SETD3: variants seen among roughly 807,000 people sequenced by gnomAD.
The protein encoded by SETD3 is actin-histidine N-methyltransferase.
A neutral mutation model predicts 63.0 loss-of-function variants in SETD3; 19 were observed. That is an observed-to-expected ratio of 0.30 (90% CI 0.21 to 0.44). The LOEUF (loss-of-function observed/expected upper bound fraction) is 0.44. Ranked by LOEUF, SETD3 falls within the 20% of genes least tolerant of loss-of-function variation. SETD3 has a pLI of 1.00. For synonymous variants in SETD3, 286 were observed against 264.1 expected, an observed-to-expected ratio of 1.08 and a Z score of -0.80; for missense variants, 587 against 728.5, an observed-to-expected ratio of 0.81 and a Z score of 2.24.
rs1162747461 is a variant in SETD3 at position 99,400,200 on chromosome 14, T to C, written c.1237A>G (p.Asn413Asp). 1 of 1,614,162 alleles carries C rather than the reference T, an allele frequency of 6.2e-7. No homozygotes were observed. Among genetic ancestry groups the C allele is most frequent in the Non-Finnish European group, 8.5e-7 (1 of 1,180,018 alleles). The change falls in exon 12 of 13, where the codon AAC (asparagine) becomes GAC (aspartate). Residue 413 changes from asparagine to aspartate, a missense_variant. Transcript: ENST00000331768. ...TCCCAGCTAACAGGAAATTCCGAGT[T>C]CCCCAAGGTGAAGATTCTATCAATA... is the stretch of plus-strand genomic sequence containing the variant. The part of the protein sequence containing the change: ...SAIDRIFTLG[N>D]SEFPVSWDNE...
intron 6 of SETD3, among the ~76,000 whole-genome samples, chr14:99,432,449 C>T (rs1314726077): frequency 6.6e-6 from 1 of 152,148 alleles, no homozygotes; most frequent in East Asian, 1.9e-4. Flanking sequence ...TCTGCAAATG[C>T]CAAGCCATTT....
intron 4 of SETD3, 147 bp downstream of exon 4, chr14:99,461,045 C>T: frequency 2.2e-6 from 2 of 925,616 alleles, no homozygotes; most frequent in South Asian, 3.4e-5. Context: ...AGAACATGAG[C>T]CCAAGGCCCT....
chr14:99,410,080 T>C, intron 8 of SETD3: 1 of 790,936 alleles, frequency 1.3e-6, no homozygotes, highest in Non-Finnish European at 2.2e-6. Context: ...GCGGATGAGC[T>C]GGAGGCGTAG....
intron 6 of SETD3, among the ~76,000 whole-genome samples, chr14:99,452,829 G>C (rs769371000): frequency 6.6e-6 from 1 of 152,202 alleles, no homozygotes; most frequent in Non-Finnish European, 1.5e-5. Flanking sequence ...GTAGACCTCC[G>C]AGCCAGCAGG....
At chr14:99,484,518 C>A (rs926518232), upstream of SETD3, among the ~76,000 whole-genome samples, 5 of 152,202 alleles carry the variant, frequency 3.3e-5, no homozygotes, top group African/African-American at 1.2e-4. Flanking sequence ...GTTTGAAAGA[C>A]AATCAATAGA....
chr14:99,465,680 G>T, intron 2 of SETD3, 23 bp downstream of exon 2: 1 of 1,584,744 alleles, frequency 6.3e-7, no homozygotes, highest in Non-Finnish European at 8.7e-7. Flanking sequence ...ATCAAGGCAG[G>T]GAGAGCCCAG....
chr14:99,407,770 A>G (rs1891764140), intron 8 of SETD3, among the ~76,000 whole-genome samples: 1 of 151,986 alleles, frequency 6.6e-6, no homozygotes. Flanking sequence ...TATGCGCTCC[A>G]GCCCAAGTCA....
At position 99,463,548 on chromosome 14, in the gene SETD3, T is replaced by C. The variant is rs529858722; in HGVS notation, c.134A>G (p.Lys45Arg). 5.8e-5 allele frequency: 94 copies of C among 1,614,148 alleles called. No individual in the cohort carries two copies. In the East Asian group the frequency reaches 1.8e-3, roughly 30 times the overall value. ...GATCTGCACATACTCTTCCCACTCT[T>C]TTCCTGGGCCAGGCGCCGGACTGCT... Reference protein sequence around the residue: ...KCSSPAPGPGKEWEEYVQIRT... With the variant: ...KCSSPAPGPGREWEEYVQIRT... The change falls in exon 3 of 13, where the codon AAA becomes AGA. Residue 45 changes from lysine to arginine, a missense_variant. Physicochemically the swap from Lys to Arg is conservative, Grantham distance 26. Coordinates refer to ENST00000331768, the MANE Select transcript of SETD3 (RefSeq NM_032233.3).
chr14:99,458,742 A>G (rs1012781515), intron 5 of SETD3, among the ~76,000 whole-genome samples: 9 of 146,288 alleles, frequency 6.2e-5, no homozygotes, highest in Non-Finnish European at 1.2e-4. Flanking sequence ...CTTTGAGACC[A>G]GCCTGGGCAA....
At chr14:99,457,108 C>G (rs1894803584) in intron 6 of SETD3, among the ~76,000 whole-genome samples, 1 of 152,188 alleles carries the variant, frequency 6.6e-6, no homozygotes, top group Admixed American at 6.5e-5. Flanking sequence ...TCATGAAGAG[C>G]CAAACCAACC....
At position 99,414,786 on chromosome 14, in the gene SETD3, T is replaced by C. The variant is rs113017080; in HGVS notation, c.676-852A>G. On this transcript the variant is annotated intron_variant, in intron 6 of 12. Coordinates refer to ENST00000331768, the MANE Select transcript of SETD3 (RefSeq NM_032233.3). ...ATCTTCAGTTTCAATTACAGTCTGA[T>C]AGATTGTAGTAAGTGATCAAATGAA... Among the ~76,000 whole-genome samples, 309 of 152,260 alleles carry C rather than the reference T, an allele frequency of 2.0e-3. 1 individual carries two copies. Among genetic ancestry groups the C allele is most frequent in the African/African-American group, 7.1e-3 (297 of 41,550 alleles).
rs1422612032 is a variant in SETD3, at chr14:99,400,111, T to C, written c.1326A>G (p.Lys442=). ...DRASLLLKTY[K]TTIEEDKSVL... ...TTAGTGTAATTACCTCAATAGTTGTTTTATATGTTTTTAAAAGAAGTGAGG... is the reference window on the plus strand; with the variant it reads ...TTAGTGTAATTACCTCAATAGTTGTCTTATATGTTTTTAAAAGAAGTGAGG... The change falls in exon 12 of 13, where the codon AAA becomes AAG. Residue 442 remains lysine (K), a synonymous_variant. Coordinates refer to ENST00000331768, the MANE Select transcript of SETD3 (RefSeq NM_032233.3). The C allele has an allele frequency of 1.9e-6, 3 of 1,610,842 alleles. No homozygotes were observed. Among genetic ancestry groups the C allele is most frequent in the Non-Finnish European group, 2.5e-6 (3 of 1,178,866 alleles).
intron 1 of SETD3, among the ~76,000 whole-genome samples, chr14:99,478,530 T>C (rs984207836): frequency 6.6e-6 from 1 of 152,190 alleles, no homozygotes; most frequent in Non-Finnish European, 1.5e-5. Context: ...TCTATGTAAT[T>C]AAAACATTGA....
chr14:99,398,030 A>G lies in SETD3; in HGVS notation c.*649T>C, dbSNP rs917112502. The G allele has an allele frequency of 6.6e-6, 1 of 152,620 alleles. No individual in the cohort carries two copies. Among genetic ancestry groups the G allele is most frequent in the African/African-American group, 2.4e-5 (1 of 41,446 alleles). 9.5% of individuals were successfully genotyped at this position (152,620 alleles called of 1,614,324 possible). ...TCTTAGTACAGTAAAACAAAACACA[A>G]AAGTAAACAAATCTTTAGAAATCAC... On this transcript the variant is annotated 3_prime_UTR_variant, in exon 13 of 13. Transcript: ENST00000331768.
At chr14:99,470,264 T>G (rs1895626653) in intron 1 of SETD3, among the ~76,000 whole-genome samples, 1 of 152,168 alleles carries the variant, frequency 6.6e-6, no homozygotes, top group Admixed American at 6.5e-5. Context: ...CATGCAACCC[T>G]CACGCCCAAC....
In SETD3 at chr14:99,398,809, A is replaced by G. The variant is rs1237850768; in HGVS notation, c.1655T>C (p.Leu552Pro). The change falls in exon 13 of 13, where the codon CTT becomes CCT. Residue 552 changes from leucine (L) to proline (P), a missense_variant. Coordinates refer to ENST00000331768, the MANE Select transcript of SETD3 (RefSeq NM_032233.3). ...ISKAKATENG[L>P]VNGENSIPNG... ...AGGGATAGAGTTTTCACCGTTTACA[A>G]GCCCGTTTTCTGTGGCCTTTGCTTT... 1.2e-6 allele frequency: 2 copies of G among 1,614,074 alleles called. No homozygotes were observed. The highest frequency in any genetic ancestry group is 2.7e-5 in the African/African-American group (2 of 74,912).
At chr14:99,471,413 G>A (rs1895698257) in intron 1 of SETD3, among the ~76,000 whole-genome samples, 1 of 152,202 alleles carries the variant, frequency 6.6e-6, no homozygotes, top group Non-Finnish European at 1.5e-5. Context: ...TAGATAATTA[G>A]AGATAGATTG....
At chr14:99,450,584 C>T (rs1894403078) in intron 6 of SETD3, among the ~76,000 whole-genome samples, 1 of 152,190 alleles carries the variant, frequency 6.6e-6, no homozygotes, top group Non-Finnish European at 1.5e-5. Context: ...AGATGGCCAA[C>T]TTGAAATTGC....
In SETD3 at chr14:99,459,192, A is replaced by G. The variant is rs1894932072; in HGVS notation, c.346-7T>C. On this transcript the variant is annotated splice_region_variant and splice_polypyrimidine_tract_variant and intron_variant, in intron 4 of 12. Transcript: ENST00000331768. The stretch of plus-strand genomic sequence containing the variant: ...ATAAAAACAATTCTTCTGCCTAGGG[A>G]AAAAAATAATAATAGGAGAATCATC... The G allele has an allele frequency of 6.3e-7, 1 of 1,593,712 alleles. No individual in the cohort carries two copies. Among genetic ancestry groups the G allele is most frequent in the African/African-American group, 1.3e-5 (1 of 74,310 alleles).
Sources: allele counts gnomAD v4.1 joint callset (sites outside exome capture counted in the v4.1 genomes callset), GRCh38; gene constraint gnomAD v4.1.1; transcripts MANE v1.5; gene names NCBI Gene and HGNC (gene_info 2026-07-23, HGNC 2026-07-21).